CHPT1: variants seen among roughly 807,000 people sequenced by gnomAD.
CHPT1 encodes the protein choline phosphotransferase 1.
CHPT1 carries 36 observed loss-of-function variants against 47.6 expected under a neutral mutation model. That is an observed-to-expected ratio of 0.76 (90% CI 0.58 to 1.00). The LOEUF is 1.00. CHPT1 is among the 50% of genes least tolerant of loss of function. The pLI is 0.00. For synonymous variants in CHPT1, 194 were observed against 186.3 expected, an observed-to-expected ratio of 1.04 and a Z score of -0.33; for missense variants, 458 against 498.1, an observed-to-expected ratio of 0.92 and a Z score of 0.77.
intron 1 of CHPT1, among the ~76,000 whole-genome samples, chr12:101,700,057 G>A (rs1457666419): frequency 6.6e-6 from 1 of 152,176 alleles, no homozygotes; most frequent in Non-Finnish European, 1.5e-5. Context: ...AAATATTACT[G>A]TTATCAGACA....
In CHPT1 at chr12:101,723,864, A is replaced by G; in HGVS notation, c.1065+17A>G. On this transcript the variant is annotated intron_variant, in intron 7 of 8. Transcript: ENST00000229266. The stretch of plus-strand genomic sequence containing the variant: ...ATGGCAATGGTAAGTATTTTTCTCC[A>G]TTTTATTTATTTTTTAACAATGCTT... 1.4e-6 allele frequency: 2 copies of G among 1,465,386 alleles called. No homozygotes were observed. The highest frequency in any genetic ancestry group is 1.9e-6 in the Non-Finnish European group (2 of 1,060,442). 90.8% of individuals were successfully genotyped at this position (1,465,386 alleles called of 1,614,324 possible).
intron 7 of CHPT1, among the ~76,000 whole-genome samples, chr12:101,726,086 C>T (rs1361791297): frequency 6.6e-6 from 1 of 152,016 alleles, no homozygotes; most frequent in Non-Finnish European, 1.5e-5. Context: ...ACCTCTGAGC[C>T]TCAGTGTCTA....
chr12:101,698,098 C>G lies in CHPT1; in HGVS notation c.237C>G (p.Leu79=). 2 of 1,555,250 alleles carry G rather than the reference C, an allele frequency of 1.3e-6. No homozygotes were observed. The highest frequency in any genetic ancestry group is 1.7e-6 in the Non-Finnish European group (2 of 1,158,482). Residue 79 remains leucine (L), a synonymous_variant, in exon 1 of 9, where the codon CTC becomes CTG. Transcript: ENST00000229266. ...TCGCCGTCAACGTGGTCACCACGCT[C>G]GTGCTCATCTCCTACTGTCCCACGG... ...LGLAVNVVTT[L]VLISYCPTAT... is the part of the protein sequence containing the mutation.
intron 1 of CHPT1, among the ~76,000 whole-genome samples, chr12:101,698,453 CG>C (rs1951498839): frequency 6.6e-6 from 1 of 152,258 alleles, no homozygotes; most frequent in Non-Finnish European, 1.5e-5. Flanking sequence ...CTATCCCATG[CG>C]GCGCCAACCT....
chr12:101,698,374 C>A (rs919812782), intron 1 of CHPT1, among the ~76,000 whole-genome samples: 1 of 152,354 alleles, frequency 6.6e-6, no homozygotes, highest in East Asian at 1.9e-4. Flanking sequence ...AAGGTCACTG[C>A]CCCAGGTCCT....
chr12:101,719,942 T>TA (rs547771072), intron 4 of CHPT1, 181 bp from the exon 5 acceptor site: 5,349 of 311,066 alleles, frequency 0.017, 17 homozygotes, highest in Non-Finnish European at 0.022. Context: ...ATTTAAAAAC[T>TA]AAAAAAAAAA....
At chr12:101,718,740 G>A (rs765240293) in intron 4 of CHPT1, among the ~76,000 whole-genome samples, 19 of 151,484 alleles carry the variant, frequency 1.3e-4, no homozygotes, top group Admixed American at 2.6e-4. Context: ...AGTAGGCTCC[G>A]AAATAGACTT....
intron 6 of CHPT1, 57 bp downstream of exon 6, chr12:101,723,383 G>T (rs1951889367): frequency 1.9e-6 from 2 of 1,048,600 alleles, no homozygotes; most frequent in South Asian, 3.2e-5. Flanking sequence ...CAAACACAAA[G>T]CTGGAAATTA....
chr12:101,726,464 A>G, intron 8 of CHPT1, 60 bp downstream of exon 8: 1 of 1,587,598 alleles, frequency 6.3e-7, no homozygotes, highest in East Asian at 2.2e-5. Context: ...AGTTAGGGGA[A>G]TCTATGAGTG....
intron 1 of CHPT1, among the ~76,000 whole-genome samples, chr12:101,707,272 T>C (rs1951646916): frequency 1.3e-5 from 2 of 152,164 alleles, no homozygotes; most frequent in African/African-American, 2.4e-5. Flanking sequence ...AAGTCATAAA[T>C]AAACAAGAGG....
At chr12:101,726,008 A>C (rs912115100) in intron 7 of CHPT1, among the ~76,000 whole-genome samples, 2 of 152,174 alleles carry the variant, frequency 1.3e-5, no homozygotes, top group African/African-American at 4.8e-5. Context: ...CAGGAAGTTG[A>C]AACAATGTGG....
rs147572553 is a variant in CHPT1 at position 101,726,418 on chromosome 12, TTGAC to T, written c.1176+20_1176+23del. On this transcript the variant is annotated intron_variant, in intron 8 of 8. Transcript: ENST00000229266. ...GCACCTGAACAGGTTCACAAGCATA[TTGAC>T]TGACTAATAGCCCAAGGAAAAGAGG... 94,627 of 1,610,360 alleles carry T rather than the reference TTGAC, an allele frequency of 0.059. 3,007 individuals carry two copies. The highest frequency in any genetic ancestry group is 0.082 in the Middle Eastern group (497 of 6,050).
At chr12:101,728,826 A>ATGTT (rs1256628510) in intron 8 of CHPT1, 75 bp from the exon 9 acceptor site, 1 of 1,535,486 alleles carries the variant, frequency 6.5e-7, no homozygotes, top group Non-Finnish European at 8.9e-7. Flanking sequence ...ATGATTAAAG[A>ATGTT]TGTTACAATT....
At chr12:101,705,697 C>T (rs4764811) in intron 1 of CHPT1, among the ~76,000 whole-genome samples, 29,401 of 108,538 alleles carry the variant, frequency 0.27, 4,189 homozygotes, top group East Asian at 0.33. Context: ...AGTCTATGCC[C>T]CTAACCACTC....
rs1951670313 is a variant in CHPT1, at chr12:101,709,031, C to CT, written c.274-5053dup. On this transcript the variant is annotated intron_variant, in intron 1 of 8. Transcript: ENST00000229266. ...GTGGCTTTTTCATCCTTACATTTAA[C>CT]TTTTTTGAAAATAAGTTAACATGAA... 1.3e-5 allele frequency among the ~76,000 whole-genome samples: 2 copies of CT among 148,752 alleles called. 1 individual carries two copies. The highest frequency in any genetic ancestry group is 3.0e-5 in the Non-Finnish European group (2 of 66,486).
intron 1 of CHPT1, among the ~76,000 whole-genome samples, chr12:101,708,729 TGGGATTA>T (rs1951667211): frequency 1.6e-5 from 2 of 127,902 alleles, no homozygotes; most frequent in East Asian, 2.4e-4. Context: ...CCTGAGTAGC[TGGGATTA>T]CAGGAGTATG....
chr12:101,715,635 T>C (rs751073648), intron 3 of CHPT1, among the ~76,000 whole-genome samples: 6 of 152,142 alleles, frequency 3.9e-5, no homozygotes, highest in Admixed American at 6.5e-5. Context: ...TAGACAGATA[T>C]AAAAATCTAC....
chr12:101,701,202 A>G (rs1022025558), intron 1 of CHPT1, among the ~76,000 whole-genome samples: 1 of 152,182 alleles, frequency 6.6e-6, no homozygotes, highest in South Asian at 2.1e-4. Flanking sequence ...ACTTCTTACT[A>G]TAACAAGGAT....
At chr12:101,724,521 AG>A (rs1185589398) in intron 7 of CHPT1, among the ~76,000 whole-genome samples, 1 of 152,212 alleles carries the variant, frequency 6.6e-6, no homozygotes, top group African/African-American at 2.4e-5. Context: ...GTACTAGCAA[AG>A]GTGGGCACTT....
Sources: gnomAD v4.1 joint callset for allele counts (sites outside exome capture counted in the v4.1 genomes callset) on GRCh38, gnomAD v4.1.1 for gene constraint, MANE v1.5 for transcripts, NCBI Gene and HGNC (gene_info 2026-07-23, HGNC 2026-07-21) for gene names.